Variants in BIRC6 observed in about 807,000 individuals in gnomAD.
BIRC6 encodes dual E2 ubiquitin-conjugating enzyme/E3 ubiquitin-protein ligase BIRC6.
In BIRC6, 98 loss-of-function variants were observed where a neutral mutation model predicts 503.3. That is an observed-to-expected ratio of 0.19 (90% CI 0.17 to 0.23). The LOEUF (loss-of-function observed/expected upper bound fraction) is 0.23, where lower values mean the gene tolerates loss of function less well. Among genes scored for constraint, BIRC6 ranks in the 10% least tolerant of loss-of-function variants. The probability of loss-of-function intolerance (pLI) is 1.00; values close to 1 mark genes in which losing one functional copy is unlikely to be tolerated. For synonymous variants in BIRC6, 2,240 were observed against 2,078.7 expected, an observed-to-expected ratio of 1.08 and a Z score of -2.11; for missense variants, 5,360 against 5,806.0, an observed-to-expected ratio of 0.92 and a Z score of 2.50.
At chr2:32,377,867 A>T in intron 2 of BIRC6, 98 bp downstream of exon 2, 1 of 1,070,470 alleles carries the variant, frequency 9.3e-7, no homozygotes, top group Non-Finnish European at 1.3e-6. Flanking sequence ...GGACGTTATT[A>T]TATATATTGC....
At chr2:32,484,370 G>T (rs1558860007) in intron 39 of BIRC6, among the ~76,000 whole-genome samples, 1 of 151,934 alleles carries the variant, frequency 6.6e-6, no homozygotes, top group Non-Finnish European at 1.5e-5. Flanking sequence ...TGGCCAACAT[G>T]GTGAAACCCC....
intron 71 of BIRC6, among the ~76,000 whole-genome samples, chr2:32,603,293 A>G (rs961478658): frequency 1.3e-5 from 2 of 152,192 alleles, no homozygotes; most frequent in Non-Finnish European, 2.9e-5. Flanking sequence ...GCATAAAACA[A>G]AAATTGAGTT....
At chr2:32,459,452 T>C (rs2047596375) in intron 23 of BIRC6, among the ~76,000 whole-genome samples, 1 of 152,234 alleles carries the variant, frequency 6.6e-6, no homozygotes, top group Admixed American at 6.5e-5. Context: ...TCAGTTCTCT[T>C]GGGTATGTAC....
At chr2:32,595,226 T>A (rs2061607211) in intron 68 of BIRC6, 82 bp downstream of exon 68, 4 of 814,886 alleles carry the variant, frequency 4.9e-6, no homozygotes, top group East Asian at 3.0e-5. Flanking sequence ...TTTAGCAAAT[T>A]AAAGATTTTT....
intron 23 of BIRC6, among the ~76,000 whole-genome samples, chr2:32,461,044 T>C (rs1380395949): frequency 0.098 from 7,850 of 79,768 alleles, 1,252 homozygotes; most frequent in Non-Finnish European, 0.15. Context: ...TCTCTTCTCT[T>C]CTCTTCTCTT....
At chr2:32,413,692 T>C (rs1255814088) in intron 9 of BIRC6, among the ~76,000 whole-genome samples, 1 of 148,744 alleles carries the variant, frequency 6.7e-6, no homozygotes, top group Non-Finnish European at 1.5e-5. Context: ...GATTTGATTA[T>C]GTCTTAAGAA....
chr2:32,443,640 A>AT, intron 20 of BIRC6, 52 bp downstream of exon 20: 2 of 1,263,042 alleles, frequency 1.6e-6, no homozygotes, highest in South Asian at 2.7e-5. Context: ...GGAACATCTC[A>AT]TATGTATACT....
intron 2 of BIRC6, among the ~76,000 whole-genome samples, chr2:32,378,174 G>A (rs901401391): frequency 2.6e-5 from 4 of 152,122 alleles, no homozygotes; most frequent in Admixed American, 6.6e-5. Flanking sequence ...GGGAAAGAGA[G>A]GGCAAGAGGC....
intron 41 of BIRC6, 59 bp downstream of exon 41, chr2:32,487,860 G>T: frequency 7.1e-7 from 1 of 1,417,128 alleles, no homozygotes; most frequent in Admixed American, 1.8e-5. Flanking sequence ...GGTAAAAGAT[G>T]AAACTAATTG....
intron 65 of BIRC6, chr2:32,564,495 T>C (rs2059400772): frequency 6.6e-6 from 1 of 152,228 alleles, no homozygotes; most frequent in Non-Finnish European, 1.5e-5. Context: ...GATGGAATTG[T>C]TGAGTTACAT....
intron 36 of BIRC6, among the ~76,000 whole-genome samples, chr2:32,479,020 A>G (rs1487297089): frequency 6.6e-6 from 1 of 152,222 alleles, no homozygotes; most frequent in Non-Finnish European, 1.5e-5. Context: ...GTCGCGATAA[A>G]TGCAAGGCTT....
intron 45 of BIRC6, 143 bp downstream of exon 45, chr2:32,493,810 G>A: frequency 3.2e-6 from 2 of 630,748 alleles, no homozygotes; most frequent in East Asian, 5.7e-5. Flanking sequence ...AGGATATATT[G>A]GTGTGTTTCC....
chr2:32,573,388 G>A (rs1232601963), intron 65 of BIRC6, among the ~76,000 whole-genome samples: 2 of 152,038 alleles, frequency 1.3e-5, no homozygotes, highest in African/African-American at 2.4e-5. Flanking sequence ...TAGAGACGGG[G>A]TTTCACCATG....
At chr2:32,578,562 G>A (rs572148060) in intron 66 of BIRC6, among the ~76,000 whole-genome samples, 1 of 152,158 alleles carries the variant, frequency 6.6e-6, no homozygotes, top group South Asian at 2.1e-4. Flanking sequence ...TTGATAGGCT[G>A]ACTTGGGCTG....
chr2:32,381,211 A>G (rs888096544), intron 3 of BIRC6, among the ~76,000 whole-genome samples: 1 of 152,058 alleles, frequency 6.6e-6, no homozygotes, highest in African/African-American at 2.4e-5. Flanking sequence ...ATATACTAAT[A>G]TTGTGTTATG....
chr2:32,423,450 A>T (rs989395070), intron 10 of BIRC6, among the ~76,000 whole-genome samples: 2 of 152,216 alleles, frequency 1.3e-5, no homozygotes, highest in African/African-American at 4.8e-5. Context: ...ACCATTAAGC[A>T]GTAACTTCCC....
chr2:32,488,029 C>G (rs1284610793), intron 41 of BIRC6, among the ~76,000 whole-genome samples: 1 of 55,352 alleles, frequency 1.8e-5, no homozygotes, highest in Non-Finnish European at 3.4e-5. Flanking sequence ...TCCTACTACA[C>G]ATACACACAG....
chr2:32,421,646 G>C (rs1374151746), intron 10 of BIRC6, among the ~76,000 whole-genome samples: 1 of 152,124 alleles, frequency 6.6e-6, no homozygotes, highest in African/African-American at 2.4e-5. Flanking sequence ...GGTTTCTCTA[G>C]ATTTCTTTCT....
rs34026253 is a variant in BIRC6 at position 32,533,834 on chromosome 2, C to G, written c.12291+2283C>G. ...TCCTTTGATTTTAGTCCCATAAGAC[C>G]TGTTTTGGATTTCTGACCTCTGGAA... On this transcript the variant is annotated intron_variant, in intron 61 of 73. Transcript: ENST00000421745. Among the ~76,000 whole-genome samples the G allele has an allele frequency of 6.7e-3, 1,015 of 152,254 alleles. 3 individuals carry two copies. The highest frequency in any genetic ancestry group is 0.011 in the Non-Finnish European group (750 of 68,026).
Sources: gnomAD v4.1 joint callset for allele counts (sites outside exome capture counted in the v4.1 genomes callset) on GRCh38, gnomAD v4.1.1 for gene constraint, MANE v1.5 for transcripts, NCBI Gene and HGNC (gene_info 2026-07-23, HGNC 2026-07-21) for gene names.